The following NEMP2 variants were observed in gnomAD, a reference collection of about 807,000 sequenced individuals.
NEMP2 encodes the protein nuclear envelope integral membrane protein 2, also known as UPF0571 transmembrane protein.
Under a neutral mutation model 54.2 loss-of-function variants are expected in NEMP2, and 53 were observed. The observed-to-expected ratio is 0.98, with a 90% CI of 0.78 to 1.23. The LOEUF is 1.23. NEMP2 is among the 50% of genes most tolerant of loss of function. The pLI, the probability that NEMP2 is intolerant of heterozygous loss-of-function variation, is 0.00. For synonymous variants in NEMP2, 197 were observed against 190.3 expected (o/e 1.04, Z -0.29); for missense variants, 455 against 511.3 (o/e 0.89, Z 1.06).
At chr2:190,497,713 T>C in the NEMP2 span, 2 of 1,613,130 alleles carry the variant, frequency 1.2e-6, no homozygotes, top group Middle Eastern at 3.3e-4. The surrounding 1 kb of genome is among the most constrained non-coding windows in gnomAD (Gnocchi z 5.2). Context: ...AGATACAGCC[T>C]TTACAGGTAC....
At chr2:190,586,800 A>G in the NEMP2 span, among the ~76,000 whole-genome samples, 1 of 152,180 alleles carries the variant, frequency 6.6e-6, no homozygotes, top group African/African-American at 2.4e-5. The surrounding 1 kb of genome is among the most constrained non-coding windows in gnomAD (Gnocchi z 4.5). Context: ...AGAGTTAAAA[A>G]TAGTAAAAGG....
chr2:190,584,463 G>A, the NEMP2 span, among the ~76,000 whole-genome samples: 1 of 152,142 alleles, frequency 6.6e-6, no homozygotes, highest in Admixed American at 6.6e-5. The surrounding 1 kb of genome is among the most constrained non-coding windows in gnomAD (Gnocchi z 4.2). Flanking sequence ...ACAATTATGG[G>A]TGTTCATCAT....
chr2:190,430,826 C>T, the NEMP2 span, among the ~76,000 whole-genome samples: 7 of 146,192 alleles, frequency 4.8e-5, no homozygotes, highest in Non-Finnish European at 7.5e-5. Context: ...CCGGACGGGG[C>T]GGCCGGCCGG....
At chr2:190,573,605 G>A in the NEMP2 span, among the ~76,000 whole-genome samples, 5 of 152,142 alleles carry the variant, frequency 3.3e-5, no homozygotes, top group Admixed American at 6.6e-5. Flanking sequence ...TCAAGCCAAC[G>A]TGTGACAGAT....
chr2:190,618,058 G>A, the NEMP2 span, among the ~76,000 whole-genome samples: 1 of 152,174 alleles, frequency 6.6e-6, no homozygotes, highest in Non-Finnish European at 1.5e-5. Context: ...TTAGAGGGGC[G>A]TAGGAGAGAC....
chr2:190,549,903 A>G, the NEMP2 span, among the ~76,000 whole-genome samples: 3 of 152,192 alleles, frequency 2.0e-5, no homozygotes, highest in African/African-American at 7.2e-5. Context: ...GCTTGGTTCT[A>G]CCTGGTTGGT....
the NEMP2 span, among the ~76,000 whole-genome samples, chr2:190,449,692 T>C: frequency 1.3e-5 from 2 of 152,044 alleles, no homozygotes; most frequent in South Asian, 4.2e-4. Context: ...CCATAAAAAA[T>C]GATGAGTTCA....
At chr2:190,552,146 G>A in the NEMP2 span, among the ~76,000 whole-genome samples, 2 of 152,120 alleles carry the variant, frequency 1.3e-5, no homozygotes, top group African/African-American at 4.8e-5. Context: ...CCAGTAAATA[G>A]CTGTTGCTGT....
rs1311701474 is a variant in NEMP2 at position 190,510,690 on chromosome 2, G to T, written c.954-153C>A. Among the ~76,000 whole-genome samples the T allele has an allele frequency of 6.6e-6, 1 of 152,002 alleles. No homozygotes were observed. The highest frequency in any genetic ancestry group is 1.5e-5 in the Non-Finnish European group (1 of 68,004). On this transcript the variant is annotated intron_variant, in intron 7 of 8. Transcript: ENST00000409150. The surrounding 1 kb of genome is among the most constrained non-coding windows in gnomAD (Gnocchi z 5.7). ...AGGTCAGGAGATTGAGACGGTCCTG[G>T]CTAACAAGGTGAAACACTGTCTCTA...
chr2:190,587,661 TTAG>T, the NEMP2 span, among the ~76,000 whole-genome samples: 2 of 152,162 alleles, frequency 1.3e-5, no homozygotes, highest in Non-Finnish European at 2.9e-5. The surrounding 1 kb of genome is among the most constrained non-coding windows in gnomAD (Gnocchi z 5.4). Context: ...TTCATAGGAC[TTAG>T]TAGTGAATTG....
chr2:190,636,107 C>T, the NEMP2 span, among the ~76,000 whole-genome samples: 1 of 152,056 alleles, frequency 6.6e-6, no homozygotes, highest in Non-Finnish European at 1.5e-5. Context: ...TCAGGTGATC[C>T]TCCTGCCTTG....
downstream of NEMP2, chr2:190,504,195 G>A (rs10209172): frequency 2.0e-5 from 3 of 151,922 alleles, no homozygotes; most frequent in Non-Finnish European, 4.4e-5. The surrounding 1 kb of genome is among the most constrained non-coding windows in gnomAD (Gnocchi z 5.6). Context: ...TCTGTAAAAC[G>A]GAAGTGATTA....
chr2:190,493,792 G>T, the NEMP2 span, among the ~76,000 whole-genome samples: 7 of 152,030 alleles, frequency 4.6e-5, no homozygotes, highest in East Asian at 1.9e-4. Flanking sequence ...GCAAAATCAA[G>T]ATGGAAATTT....
At chr2:190,516,487 A>ATTTAT in intron 5 of NEMP2, 103 bp from the exon 6 acceptor site, 1 of 835,602 alleles carries the variant, frequency 1.2e-6, no homozygotes, top group Non-Finnish European at 1.9e-6. Context: ...CCTACATCAA[A>ATTTAT]CTGATTTGAA....
At chr2:190,427,102 C>G in the NEMP2 span, among the ~76,000 whole-genome samples, 2 of 152,214 alleles carry the variant, frequency 1.3e-5, no homozygotes, top group African/African-American at 4.8e-5. Context: ...GGTGAAAGTC[C>G]TGATTCTCTA....
At chr2:190,625,561 A>G in the NEMP2 span, 1 of 152,226 alleles carries the variant, frequency 6.6e-6, no homozygotes, top group African/African-American at 2.4e-5. Context: ...TTGATATGTG[A>G]ATTACATCTC....
At chr2:190,539,774 C>T in the NEMP2 span, among the ~76,000 whole-genome samples, 1 of 152,010 alleles carries the variant, frequency 6.6e-6, no homozygotes, top group Admixed American at 6.6e-5. The surrounding 1 kb of genome is among the most constrained non-coding windows in gnomAD (Gnocchi z 4.1). Context: ...TTTTTGTATC[C>T]TGCAACTTTA....
At chr2:190,597,123 G>T in the NEMP2 span, among the ~76,000 whole-genome samples, 1 of 151,980 alleles carries the variant, frequency 6.6e-6, no homozygotes, top group Non-Finnish European at 1.5e-5. This position sits in a 1 kb window ranked among gnomAD's most constrained non-coding sequence, Gnocchi z 4.7. Context: ...AATTAGTTGG[G>T]TGTGGTGGTG....
the NEMP2 span, among the ~76,000 whole-genome samples, chr2:190,633,651 A>G: frequency 1.3e-5 from 2 of 152,162 alleles, no homozygotes; most frequent in Non-Finnish European, 2.9e-5. Flanking sequence ...AACTGGTACA[A>G]TGCCTTCCTT....
Sources: gnomAD v4.1 joint callset for allele counts (sites outside exome capture counted in the v4.1 genomes callset) on GRCh38, gnomAD v4.1.1 for gene constraint, Gnocchi (gnomAD v3.1) non-coding constraint, MANE v1.5 for transcripts, NCBI Gene and HGNC (gene_info 2026-07-23, HGNC 2026-07-21) for gene names.